ARL10: variants seen among roughly 807,000 people sequenced by gnomAD.
ARL10 encodes the protein ARF like GTPase 10.
In ARL10, 23 loss-of-function variants were observed where a neutral mutation model predicts 26.1. The observed-to-expected ratio is 0.88, with a 90% CI of 0.63 to 1.25. ARL10 has a LOEUF of 1.25. ARL10 is among the 50% of genes most tolerant of loss of function. ARL10 has a pLI of 0.00. For missense variants in ARL10, 300 were observed against 323.6 expected, an observed-to-expected ratio of 0.93 and a Z score of 0.56; for synonymous variants, 138 against 149.1, an observed-to-expected ratio of 0.93 and a Z score of 0.54.
In ARL10 at chr5:176,365,568, C is replaced by T. The variant is rs1768249419; in HGVS notation, c.5C>T (p.Ala2Val). 1 of 1,233,806 alleles carries T rather than the reference C, an allele frequency of 8.1e-7. No homozygotes were observed. The highest frequency in any genetic ancestry group is 3.8e-5 in the South Asian group (1 of 26,140). 76.4% of individuals were successfully genotyped at this position (1,233,806 alleles called of 1,614,324 possible). ...CTGCGTCCCTCGCCCGGCCCGATGG[C>T]GCCGCGGCCGCTGGGCCCCTTGGTG... M[A>V]PRPLGPLVLA... Residue 2 changes from alanine to valine, a missense_variant, in exon 1 of 4, where the codon GCG (alanine) becomes GTG (valine). Transcript: ENST00000310389.
At chr5:176,402,442 G>A (rs1266713837), downstream of ARL10, among the ~76,000 whole-genome samples, 2 of 152,222 alleles carry the variant, frequency 1.3e-5, no homozygotes, top group Non-Finnish European at 2.9e-5. Flanking sequence ...CTTCATGCAA[G>A]CTCATCTTGT....
chr5:176,406,570 T>C (rs1179104004), downstream of ARL10: 1 of 1,288,562 alleles, frequency 7.8e-7, no homozygotes, highest in African/African-American at 1.5e-5. Flanking sequence ...TGTGCAGAGG[T>C]GGGGAGGCGG....
At chr5:176,414,783 T>C in the ARL10 span, among the ~76,000 whole-genome samples, 299 of 152,316 alleles carry the variant, frequency 2.0e-3, no homozygotes, top group African/African-American at 6.8e-3. Flanking sequence ...GTTTCTTGCA[T>C]GTTACAAAAG....
downstream of ARL10, chr5:176,384,308 C>T (rs994865659): frequency 7.4e-6 from 12 of 1,614,100 alleles, no homozygotes; most frequent in East Asian, 1.6e-4. Context: ...CGTTTATAGA[C>T]GTTGATCTTA....
intron 1 of ARL10, 43 bp downstream of exon 1, chr5:176,365,789 G>A: frequency 1.6e-6 from 2 of 1,231,968 alleles, no homozygotes; most frequent in Non-Finnish European, 2.0e-6. Flanking sequence ...GGCAGGCTGG[G>A]CTGCGACTCC....
chr5:176,389,582 C>T (rs1756177504), downstream of ARL10: 2 of 1,418,138 alleles, frequency 1.4e-6, no homozygotes, highest in Non-Finnish European at 1.9e-6. Context: ...GACTTACTCC[C>T]TCCTCTCCTT....
At chr5:176,382,965 C>T (rs536259210), downstream of ARL10, among the ~76,000 whole-genome samples, 374 of 152,280 alleles carry the variant, frequency 2.5e-3, 1 homozygote, top group African/African-American at 7.9e-3. Flanking sequence ...TGTGTGCTTC[C>T]GAGGGCCAGT....
At chr5:176,383,795 G>A (rs1447167550), downstream of ARL10, 4 of 604,520 alleles carry the variant, frequency 6.6e-6, no homozygotes, top group South Asian at 4.2e-5. Context: ...GAGAGCCATC[G>A]GGATGAGGCC....
chr5:176,389,758 T>G (rs908001811), downstream of ARL10: 5 of 383,606 alleles, frequency 1.3e-5, no homozygotes, highest in South Asian at 2.6e-4. Flanking sequence ...CCACTTGTAT[T>G]TAATTCAGTA....
At chr5:176,389,203 G>T, downstream of ARL10, 2 of 1,213,504 alleles carry the variant, frequency 1.6e-6, no homozygotes, top group South Asian at 1.4e-5. Flanking sequence ...ACCTCGACTC[G>T]ACCTACCCTC....
chr5:176,389,248 G>A (rs556905841), downstream of ARL10: 9 of 1,487,830 alleles, frequency 6.0e-6, no homozygotes, highest in Admixed American at 1.5e-4. Flanking sequence ...AGAGATCTTG[G>A]CTTTGGGGAA....
intron 1 of ARL10, among the ~76,000 whole-genome samples, chr5:176,396,187 G>A (rs1163218441): frequency 1.3e-5 from 2 of 152,068 alleles, no homozygotes; most frequent in Non-Finnish European, 2.9e-5. Flanking sequence ...CATCACAGAG[G>A]GAGGGAGTTG....
chr5:176,387,467 A>T (rs1239057056), intron 1 of ARL10, among the ~76,000 whole-genome samples: 1 of 152,258 alleles, frequency 6.6e-6, no homozygotes, highest in Non-Finnish European at 1.5e-5. Flanking sequence ...AATTTGTTCC[A>T]TTGCCTTAGG....
chr5:176,406,180 A>C, downstream of ARL10: 1 of 990,016 alleles, frequency 1.0e-6, no homozygotes, highest in Non-Finnish European at 1.2e-6. Flanking sequence ...TGGGGAGATC[A>C]GTCATGGCCA....
At chr5:176,389,339 G>A, downstream of ARL10, 3 of 1,613,118 alleles carry the variant, frequency 1.9e-6, no homozygotes, top group Non-Finnish European at 2.5e-6. Flanking sequence ...AGGTTGCCTG[G>A]CCACGGCGGC....
At chr5:176,403,101 G>A (rs1186964612), downstream of ARL10, among the ~76,000 whole-genome samples, 3 of 149,518 alleles carry the variant, frequency 2.0e-5, no homozygotes, top group Admixed American at 2.0e-4. Context: ...CCAGGCTGGA[G>A]TGCAGTGTCA....
At position 176,393,690 on chromosome 5, in the gene ARL10, T is replaced by G. The variant is rs1756359645; in HGVS notation, c.134-8051T>G. 6.6e-6 allele frequency among the ~76,000 whole-genome samples: 1 copy of G among 152,168 alleles called. No individual in the cohort carries two copies. The highest frequency in any genetic ancestry group is 2.4e-5 in the African/African-American group (1 of 41,434). ...TGAATGCTCCACTGGAGTCTGCTTT[T>G]GGTTGGAATCAAGTTAGGATGAAAA... is the stretch of plus-strand genomic sequence containing the variant. On this transcript the variant is annotated intron_variant, in intron 1 of 1. Coordinates refer to the ARL10 transcript ENST00000514533. The surrounding 1 kb of genome is among the most constrained non-coding windows in gnomAD (Gnocchi z 4.4).
downstream of ARL10, among the ~76,000 whole-genome samples, chr5:176,404,644 T>A (rs7703742): frequency 6.6e-6 from 1 of 152,006 alleles, no homozygotes; most frequent in Non-Finnish European, 1.5e-5. Flanking sequence ...CTGGCCAAAC[T>A]GGGCCCACAT....
At position 176,366,509 on chromosome 5, in the gene ARL10, G is replaced by A; in HGVS notation, c.313G>A (p.Gly105Ser). The A allele has an allele frequency of 1.9e-6, 3 of 1,614,140 alleles. No homozygotes were observed. Among genetic ancestry groups the A allele is most frequent in the Non-Finnish European group, 2.5e-6 (3 of 1,180,030 alleles). The change falls in exon 2 of 4, where the codon GGC becomes AGC. Residue 105 changes from glycine to serine, a missense_variant. Transcript: ENST00000310389. ...RVLSGKPPLE[G>S]HIPTWGFNSV... is the part of the protein sequence containing the mutation. The stretch of plus-strand genomic sequence containing the variant: ...GTTGTCGGGGAAGCCACCGCTGGAA[G>A]GCCACATCCCCACCTGGGGCTTCAA...
Sources: gnomAD v4.1 joint callset for allele counts (sites outside exome capture counted in the v4.1 genomes callset) on GRCh38, gnomAD v4.1.1 for gene constraint, Gnocchi (gnomAD v3.1) non-coding constraint, MANE v1.5 for transcripts, NCBI Gene and HGNC (gene_info 2026-07-23, HGNC 2026-07-21) for gene names.